RAB43: variants seen among roughly 807,000 people sequenced by gnomAD.
RAB43 encodes RAB43, member RAS oncogene family.
In RAB43, 6 loss-of-function variants were observed where a neutral mutation model predicts 18.8. That is an observed-to-expected ratio of 0.32 (90% CI 0.17 to 0.63). The LOEUF is 0.63. Among genes scored for constraint, RAB43 ranks in the 30% least tolerant of loss-of-function variants. The pLI is 0.79. For synonymous variants in RAB43, 103 were observed against 124.1 expected, an observed-to-expected ratio of 0.83 and a Z score of 1.13; for missense variants, 195 against 289.1, an observed-to-expected ratio of 0.67 and a Z score of 2.36.
At chr3:129,092,713 T>A (rs1429766219) in intron 2 of RAB43, 3 of 398,090 alleles carry the variant, frequency 7.5e-6, no homozygotes, top group African/African-American at 6.2e-5. Context: ...TCCCAGCACT[T>A]TGGGAGGCTG....
chr3:129,116,709 G>C (rs1394265896), intron 1 of RAB43, among the ~76,000 whole-genome samples: 1 of 152,218 alleles, frequency 6.6e-6, no homozygotes, highest in South Asian at 2.1e-4. Context: ...CTCTATGAAG[G>C]AGAGATCTGG....
chr3:129,118,304 T>C (rs1330391247), intron 1 of RAB43, among the ~76,000 whole-genome samples: 7 of 152,208 alleles, frequency 4.6e-5, no homozygotes. Context: ...GTTATTCTGG[T>C]TGTAATGGGA....
intron 1 of RAB43, among the ~76,000 whole-genome samples, chr3:129,100,733 G>A (rs796934908): frequency 6.6e-5 from 10 of 152,238 alleles, no homozygotes; most frequent in African/African-American, 2.2e-4. Context: ...GCGGTGGTAC[G>A]CTGGGGCCAA....
At chr3:129,111,704 C>T (rs1446620750) in intron 1 of RAB43, among the ~76,000 whole-genome samples, 1 of 151,816 alleles carries the variant, frequency 6.6e-6, no homozygotes, top group Non-Finnish European at 1.5e-5. Flanking sequence ...CTTGAGATTT[C>T]AATAATAAAA....
chr3:129,091,727 C>T (rs1933669356), intron 2 of RAB43, among the ~76,000 whole-genome samples: 1 of 151,612 alleles, frequency 6.6e-6, no homozygotes, highest in Non-Finnish European at 1.5e-5. Context: ...TTAAAAGTCT[C>T]TACATGGTTG....
chr3:129,108,468 C>G (rs1934932178), intron 1 of RAB43, among the ~76,000 whole-genome samples: 1 of 152,220 alleles, frequency 6.6e-6, no homozygotes, highest in Admixed American at 6.5e-5. Context: ...TTTTCTCCAC[C>G]AGAGGTGAGT....
At chr3:129,098,801 A>G (rs927759052) in intron 1 of RAB43, among the ~76,000 whole-genome samples, 3 of 152,170 alleles carry the variant, frequency 2.0e-5, no homozygotes, top group Admixed American at 6.5e-5. Context: ...GGCTGGGTGC[A>G]GTGTTTCATG....
At chr3:129,101,306 A>G (rs569963416) in intron 1 of RAB43, among the ~76,000 whole-genome samples, 1 of 152,358 alleles carries the variant, frequency 6.6e-6, no homozygotes, top group East Asian at 1.9e-4. Flanking sequence ...TACCAAAAGA[A>G]AAACATACTA....
chr3:129,103,781 TC>T (rs1270315831), intron 1 of RAB43, among the ~76,000 whole-genome samples: 2 of 152,180 alleles, frequency 1.3e-5, no homozygotes, highest in African/African-American at 4.8e-5. Flanking sequence ...GTCAGGCTGG[TC>T]TCGAACTCCT....
At chr3:129,115,242 C>T (rs933151759) in intron 1 of RAB43, among the ~76,000 whole-genome samples, 1 of 152,002 alleles carries the variant, frequency 6.6e-6, no homozygotes, top group Non-Finnish European at 1.5e-5. Flanking sequence ...AATTCCAGCA[C>T]TTTGGGAGGC....
intron 1 of RAB43, among the ~76,000 whole-genome samples, chr3:129,105,047 T>C (rs1934674540): frequency 6.6e-6 from 1 of 152,228 alleles, no homozygotes; most frequent in African/African-American, 2.4e-5. Flanking sequence ...CCCGCACTAT[T>C]GGGCTTTGGG....
chr3:129,114,976 AC>A (rs1216688357), intron 1 of RAB43, among the ~76,000 whole-genome samples: 2 of 150,686 alleles, frequency 1.3e-5, no homozygotes, highest in Non-Finnish European at 1.5e-5. Context: ...CCTGACCCCC[AC>A]CCCCCGCAAT....
chr3:129,092,414 G>T, intron 2 of RAB43: 1 of 633,312 alleles, frequency 1.6e-6, no homozygotes, highest in South Asian at 1.8e-5. Flanking sequence ...GAGGAGGTTG[G>T]ACTTCAGTTG....
At chr3:129,098,209 C>T (rs539211194) in intron 1 of RAB43, among the ~76,000 whole-genome samples, 117 of 152,222 alleles carry the variant, frequency 7.7e-4, no homozygotes, top group Non-Finnish European at 1.4e-3. Context: ...GCTATCAGAA[C>T]GTCACTATGG....
rs1933457786 is a variant in RAB43, at chr3:129,088,104, TG to T, written c.*2991del. Reference sequence around the variant, plus strand: ...CCAAGGGGAGGAAACAAGCCGGCTTTGTTTTGTCTCACACACTTCCCCGTCT... The same window carrying T: ...CCAAGGGGAGGAAACAAGCCGGCTTTTTTTGTCTCACACACTTCCCCGTCT... On this transcript the variant is annotated 3_prime_UTR_variant, in exon 3 of 3. Transcript: ENST00000315150. 1.3e-5 allele frequency: 2 copies of T among 152,218 alleles called. No homozygotes were observed. Among genetic ancestry groups the T allele is most frequent in the Non-Finnish European group, 2.9e-5 (2 of 68,036 alleles). 9.4% of individuals were successfully genotyped at this position (152,218 alleles called of 1,614,324 possible). A position where few individuals can be genotyped will look rare whatever the true frequency, so the allele number is the denominator to read the frequency against.
chr3:129,106,491 A>G (rs962898590), intron 1 of RAB43, among the ~76,000 whole-genome samples: 5 of 152,208 alleles, frequency 3.3e-5, no homozygotes, highest in African/African-American at 1.2e-4. Context: ...GCTCACAAGC[A>G]GGCCACAGGC....
At chr3:129,104,488 C>T (rs974782907) in intron 1 of RAB43, among the ~76,000 whole-genome samples, 3 of 152,180 alleles carry the variant, frequency 2.0e-5, no homozygotes, top group African/African-American at 7.2e-5. Context: ...TGGGTAAGGC[C>T]TAATTAGGGA....
intron 1 of RAB43, among the ~76,000 whole-genome samples, chr3:129,102,439 G>A (rs899451785): frequency 3.3e-5 from 5 of 151,920 alleles, no homozygotes; most frequent in African/African-American, 4.8e-5. Context: ...GACCGTCCTG[G>A]CTAACATGGT....
rs569803925 is a variant in RAB43 at position 129,107,313 on chromosome 3, T to C, written c.205-12144A>G. 2.0e-5 allele frequency among the ~76,000 whole-genome samples: 3 copies of C among 152,250 alleles called. No homozygotes were observed. The East Asian group carries it at 5.8e-4, about 30-fold the overall frequency. On this transcript the variant is annotated intron_variant, in intron 1 of 2. Transcript: ENST00000315150. This position sits in a 1 kb window ranked among gnomAD's most constrained non-coding sequence, Gnocchi z 4.2. ...GCACCTCCTGCAGGAATCAAACCCGTTCCTGAACAGCTTGGATGAGAAAAA... is the reference window on the plus strand; with the variant it reads ...GCACCTCCTGCAGGAATCAAACCCGCTCCTGAACAGCTTGGATGAGAAAAA...
Sources: gnomAD v4.1 joint callset for allele counts (sites outside exome capture counted in the v4.1 genomes callset) on GRCh38, gnomAD v4.1.1 for gene constraint, Gnocchi (gnomAD v3.1) non-coding constraint, MANE v1.5 for transcripts, NCBI Gene and HGNC (gene_info 2026-07-23, HGNC 2026-07-21) for gene names.